Variants in MAGI2 observed in about 807,000 individuals in gnomAD.
MAGI2 encodes the protein membrane-associated guanylate kinase, WW and PDZ domain-containing protein 2.
A neutral mutation model predicts 133.3 loss-of-function variants in MAGI2; 35 were observed. The observed-to-expected ratio is 0.26, with a 90% CI of 0.20 to 0.35. The LOEUF (loss-of-function observed/expected upper bound fraction) is 0.35, where lower values mean the gene tolerates loss of function less well. Among genes scored for constraint, MAGI2 ranks in the 10% least tolerant of loss-of-function variants. The pLI, the probability that MAGI2 is intolerant of heterozygous loss-of-function variation, is 1.00. For missense variants in MAGI2, 1,636 were observed against 1,863.4 expected (o/e 0.88, Z 2.25); for synonymous variants, 729 against 710.6 (o/e 1.03, Z -0.41).
rs1796446588 is a variant in MAGI2, at chr7:78,289,157, T to C, written c.1409-32576A>G. On this transcript the variant is annotated intron_variant, in intron 9 of 21. Coordinates refer to ENST00000354212, the MANE Select transcript of MAGI2 (RefSeq NM_012301.4). ...CAGATGATCGGTAATAACAAAATTCTCCAAGCTAAAGGAGGATGTTCGAAC... is the reference window on the plus strand; with the variant it reads ...CAGATGATCGGTAATAACAAAATTCCCCAAGCTAAAGGAGGATGTTCGAAC... Among the ~76,000 whole-genome samples, 4 of 152,112 alleles carry C rather than the reference T, an allele frequency of 2.6e-5. No individual in the cohort carries two copies. The South Asian group carries it at 8.3e-4, about 31-fold the overall frequency.
At chr7:78,142,676 AG>A (rs1253005235) in intron 16 of MAGI2, among the ~76,000 whole-genome samples, 2 of 152,176 alleles carry the variant, frequency 1.3e-5, no homozygotes, top group African/African-American at 4.8e-5. Context: ...CGGTATTTCA[AG>A]GGGTTCATGT....
chr7:79,140,853 A>G (rs1822061251), intron 1 of MAGI2, among the ~76,000 whole-genome samples: 1 of 152,206 alleles, frequency 6.6e-6, no homozygotes, highest in East Asian at 1.9e-4. Flanking sequence ...ATTTTAAGAT[A>G]TTTTAAATGT....
chr7:79,228,565 A>C (rs1831080755), intron 1 of MAGI2, among the ~76,000 whole-genome samples: 1 of 152,060 alleles, frequency 6.6e-6, no homozygotes, highest in Non-Finnish European at 1.5e-5. Context: ...CTCCTAGCCC[A>C]GTTTTATGTG....
intron 5 of MAGI2, among the ~76,000 whole-genome samples, chr7:78,493,019 T>C (rs1431441908): frequency 6.6e-6 from 1 of 152,204 alleles, no homozygotes; most frequent in African/African-American, 2.4e-5. Flanking sequence ...TCAGTCACTG[T>C]CATATTTAAA....
chr7:78,860,622 G>C (rs1794077721), intron 2 of MAGI2, among the ~76,000 whole-genome samples: 1 of 152,100 alleles, frequency 6.6e-6, no homozygotes, highest in African/African-American at 2.4e-5. Context: ...TCTCAGAGGG[G>C]CCCCCGGCTG....
At chr7:79,242,652 T>C (rs1832506893) in intron 1 of MAGI2, among the ~76,000 whole-genome samples, 3 of 152,226 alleles carry the variant, frequency 2.0e-5, no homozygotes, top group Admixed American at 1.3e-4. Flanking sequence ...AGTCTTTCTT[T>C]GTATTCTCCA....
chr7:78,792,662 T>C (rs1787273539), intron 2 of MAGI2, among the ~76,000 whole-genome samples: 1 of 152,196 alleles, frequency 6.6e-6, no homozygotes, highest in Non-Finnish European at 1.5e-5. Flanking sequence ...CTCACACACA[T>C]TATTTAAATA....
In MAGI2 at chr7:78,563,503, C is replaced by A. The variant is rs142197916; in HGVS notation, c.539-41858G>T. On this transcript the variant is annotated intron_variant, in intron 3 of 21. Coordinates refer to ENST00000354212, the MANE Select transcript of MAGI2 (RefSeq NM_012301.4). The stretch of plus-strand genomic sequence containing the variant: ...TGGAAACCAGGAGTGTGAAAAACGA[C>A]AGACGAGAGCCACTCAAGAGATTCA... Among the ~76,000 whole-genome samples, 550 of 152,282 alleles carry A rather than the reference C, an allele frequency of 3.6e-3. 7 individuals carry two copies. Among genetic ancestry groups the A allele is most frequent in the African/African-American group, 0.012 (507 of 41,546 alleles).
chr7:79,237,974 C>T (rs911973043), intron 1 of MAGI2, among the ~76,000 whole-genome samples: 4 of 152,108 alleles, frequency 2.6e-5, no homozygotes, highest in Admixed American at 6.5e-5. Context: ...CTAATATCAG[C>T]ATAATTTGAC....
intron 20 of MAGI2, among the ~76,000 whole-genome samples, chr7:78,083,910 A>AT (rs1563099758): frequency 6.6e-6 from 1 of 152,234 alleles, no homozygotes; most frequent in Non-Finnish European, 1.5e-5. Context: ...TACTGTATGC[A>AT]TTTTTGTAGC....
chr7:78,435,517 G>A (rs1380645509), intron 6 of MAGI2, among the ~76,000 whole-genome samples: 3 of 152,040 alleles, frequency 2.0e-5, no homozygotes, highest in Admixed American at 1.3e-4. Context: ...TACATTCTGT[G>A]CTACTTTTAC....
intron 2 of MAGI2, among the ~76,000 whole-genome samples, chr7:78,724,127 G>A (rs1283494924): frequency 1.3e-5 from 2 of 152,102 alleles, no homozygotes; most frequent in African/African-American, 4.8e-5. Flanking sequence ...ACAATGAAAT[G>A]ATTAAAAGGA....
intron 3 of MAGI2, among the ~76,000 whole-genome samples, chr7:78,568,947 C>A (rs867204829): frequency 2.6e-5 from 4 of 151,768 alleles, no homozygotes; most frequent in Middle Eastern, 6.9e-3. Context: ...TCTGCACATG[C>A]TCTTCCCTCA....
At chr7:78,767,928 A>T (rs1241809746) in intron 2 of MAGI2, among the ~76,000 whole-genome samples, 2 of 152,232 alleles carry the variant, frequency 1.3e-5, no homozygotes, top group African/African-American at 2.4e-5. Flanking sequence ...TTCAGGTAGC[A>T]CATAAATCTC....
chr7:78,366,637 TC>T (rs1793405722), intron 7 of MAGI2, among the ~76,000 whole-genome samples: 2 of 83,356 alleles, frequency 2.4e-5, no homozygotes, highest in East Asian at 4.5e-4. Flanking sequence ...ATGGAAGATA[TC>T]CCCCATCTCA....
Position 78,281,279 on chromosome 7 carries a change from C to CA in MAGI2, c.1409-24699dup, listed in dbSNP as rs1323565084. Among the ~76,000 whole-genome samples, 5 of 151,664 alleles carry CA rather than the reference C, an allele frequency of 3.3e-5. No homozygotes were observed. In the South Asian group the frequency reaches 6.2e-4, roughly 19 times the overall value. On this transcript the variant is annotated intron_variant, in intron 9 of 21. Coordinates refer to ENST00000354212, the MANE Select transcript of MAGI2 (RefSeq NM_012301.4). ...GATGTGGCTTGGCTGTGTCCCCACC[C>CA]AAAATCTCATCTTGAATTGTAATCT...
At chr7:79,329,805 T>G (rs1839936598) in intron 1 of MAGI2, among the ~76,000 whole-genome samples, 1 of 152,180 alleles carries the variant, frequency 6.6e-6, no homozygotes, top group African/African-American at 2.4e-5. Context: ...TTAATAGTTT[T>G]TAAGCATTGA....
In MAGI2 at chr7:78,459,778, T is replaced by C. The variant is rs557432607; in HGVS notation, c.1045+29983A>G. ...TTAAGACAATTCAGTGTCTTCAAAT[T>C]CCTTATGGCATTTGAGAATGACCTT... On this transcript the variant is annotated intron_variant, in intron 6 of 21. Transcript: ENST00000354212. Among the ~76,000 whole-genome samples the C allele has an allele frequency of 7.2e-5, 11 of 152,362 alleles. No individual in the cohort carries two copies. The South Asian group carries it at 2.1e-3, about 29-fold the overall frequency.
At chr7:78,397,334 GT>G (rs1342666718) in intron 6 of MAGI2, among the ~76,000 whole-genome samples, 2 of 149,380 alleles carry the variant, frequency 1.3e-5, no homozygotes, top group African/African-American at 4.9e-5. Flanking sequence ...AGTTGTGAAA[GT>G]AAAAATGTAT....
Sources: gnomAD v4.1 joint callset for allele counts (sites outside exome capture counted in the v4.1 genomes callset) on GRCh38, gnomAD v4.1.1 for gene constraint, MANE v1.5 for transcripts, NCBI Gene and HGNC (gene_info 2026-07-23, HGNC 2026-07-21) for gene names.